ANKRD10: variants seen among roughly 807,000 people sequenced by gnomAD.
The protein encoded by ANKRD10 is ankyrin repeat domain 10, also known as ankyrin repeat domain-containing protein 10.
In ANKRD10, 14 loss-of-function variants were observed where a neutral mutation model predicts 27.0. The ratio of observed to expected loss-of-function variants is 0.52; its 90% CI spans 0.34 to 0.81. ANKRD10 has a LOEUF of 0.81. Ranked by LOEUF, ANKRD10 falls within the 40% of genes least tolerant of loss-of-function variation. The pLI is 0.01. For synonymous variants in ANKRD10, 250 were observed against 224.5 expected, an observed-to-expected ratio of 1.11 and a Z score of -1.01; for missense variants, 493 against 544.0, an observed-to-expected ratio of 0.91 and a Z score of 0.93.
At position 110,880,373 on chromosome 13, in the gene ANKRD10, C is replaced by T. The variant is rs190560009; in HGVS notation, c.788-261G>A. Among the ~76,000 whole-genome samples, 172 of 152,182 alleles carry T rather than the reference C, an allele frequency of 1.1e-3. 1 individual carries two copies. Among genetic ancestry groups the T allele is most frequent in the Non-Finnish European group, 1.6e-3 (112 of 68,006 alleles). On this transcript the variant is annotated intron_variant, in intron 5 of 5. Transcript: ENST00000267339. Reference sequence around the variant, plus strand: ...AGCTCAACTGAAAAATGTAAGCTGACAAATACACTGCATGAAAAATACCAA... The same window carrying T: ...AGCTCAACTGAAAAATGTAAGCTGATAAATACACTGCATGAAAAATACCAA...
At chr13:110,883,365 C>A in intron 5 of ANKRD10, 1 of 339,726 alleles carries the variant, frequency 2.9e-6, no homozygotes, top group Non-Finnish European at 4.4e-6. Flanking sequence ...GCACATTAAG[C>A]AATAGCTTCA....
intron 3 of ANKRD10, chr13:110,900,687 T>C (rs1425803958): frequency 1.5e-6 from 2 of 1,351,224 alleles, no homozygotes; most frequent in Non-Finnish European, 2.0e-6. Context: ...TCAATTCGAA[T>C]TACGTAGCTG....
intron 1 of ANKRD10, 154 bp downstream of exon 1, chr13:110,914,571 C>G (rs2065830373): frequency 1.8e-6 from 2 of 1,090,190 alleles, no homozygotes; most frequent in Non-Finnish European, 2.4e-6. Flanking sequence ...CGCTGCCGCA[C>G]AGGCGCCCTA....
At chr13:110,886,125 A>G (rs1237943523) in intron 4 of ANKRD10, among the ~76,000 whole-genome samples, 10 of 152,256 alleles carry the variant, frequency 6.6e-5, no homozygotes, top group Admixed American at 6.5e-4. Context: ...TGCGAGGTGC[A>G]GGGACATGCA....
At chr13:110,898,577 CTGTT>C (rs1405136142) in intron 3 of ANKRD10, among the ~76,000 whole-genome samples, 12 of 151,906 alleles carry the variant, frequency 7.9e-5, no homozygotes, top group South Asian at 2.1e-4. Flanking sequence ...GTTTTTTTGT[CTGTT>C]TGTTTTAAAC....
chr13:110,900,730 C>G, intron 3 of ANKRD10: 1 of 1,305,062 alleles, frequency 7.7e-7, no homozygotes, highest in Non-Finnish European at 1.0e-6. Flanking sequence ...TTTACAGATT[C>G]AGAATCTTCT....
At chr13:110,887,792 C>A (rs2064971639) in intron 4 of ANKRD10, among the ~76,000 whole-genome samples, 1 of 152,172 alleles carries the variant, frequency 6.6e-6, no homozygotes, top group Non-Finnish European at 1.5e-5. Context: ...CAGGTGTTGA[C>A]CCATAACCCT....
At chr13:110,894,652 T>G (rs755822154) in intron 3 of ANKRD10, 1 of 152,278 alleles carries the variant, frequency 6.6e-6, no homozygotes, top group Non-Finnish European at 1.5e-5. Flanking sequence ...TGATCAGAGA[T>G]AAAAGAGAAT....
chr13:110,888,687 G>C (rs189649225), intron 4 of ANKRD10, among the ~76,000 whole-genome samples: 1 of 152,250 alleles, frequency 6.6e-6, no homozygotes, highest in Admixed American at 6.5e-5. Flanking sequence ...GAACAGCTAA[G>C]GACAAAAGGC....
rs762011398 is a variant in ANKRD10, at chr13:110,893,147, T to C, written c.572A>G (p.Asn191Ser). 5 of 1,614,078 alleles carry C rather than the reference T, an allele frequency of 3.1e-6. No homozygotes were observed. The East Asian group carries it at 6.7e-5, about 22-fold the overall frequency. The change falls in exon 4 of 6, where the codon AAT becomes AGT. Residue 191 changes from asparagine to serine, a missense_variant. Coordinates refer to ENST00000267339, the MANE Select transcript of ANKRD10 (RefSeq NM_017664.4). ...CTGATGACCCCCATTTAAGATGCCATTGTTATAGAAATGGTTCAGATGACA... is the reference window on the plus strand; with the variant it reads ...CTGATGACCCCCATTTAAGATGCCACTGTTATAGAAATGGTTCAGATGACA... ...QNCHLNHFYN[N>S]GILNGGHQNV...
intron 4 of ANKRD10, among the ~76,000 whole-genome samples, chr13:110,884,216 CA>C (rs11296528): frequency 0.35 from 52,530 of 151,528 alleles, 9,614 homozygotes; most frequent in South Asian, 0.43. Flanking sequence ...TTTCCATTAA[CA>C]AAAAAAATAA....
intron 5 of ANKRD10, among the ~76,000 whole-genome samples, chr13:110,882,127 C>T (rs1262596233): frequency 1.3e-5 from 2 of 152,306 alleles, no homozygotes; most frequent in African/African-American, 4.8e-5. Context: ...CCTATCCGAG[C>T]CCTTTCCAGG....
rs145613367 is a variant in ANKRD10 at position 110,879,766 on chromosome 13, G to A, written c.1134C>T (p.His378=). The A allele has an allele frequency of 7.4e-6, 12 of 1,614,080 alleles. No individual in the cohort carries two copies. The highest frequency in any genetic ancestry group is 1.3e-5 in the African/African-American group (1 of 74,924). The change falls in exon 6 of 6, where the codon CAC becomes CAT. Residue 378 remains histidine, a synonymous_variant. Transcript: ENST00000267339. ...TGCTTTCAGCAGTGTCCCCAAACCC[G>A]TGGTAGTGTCCATAGTACAGGTTAT... ...IGDNLYYGHY[H]GFGDTAESIP... is the part of the protein sequence containing the mutation.
intron 3 of ANKRD10, chr13:110,894,374 T>C (rs376714350): frequency 1.2e-4 from 22 of 187,544 alleles, no homozygotes; most frequent in African/African-American, 6.5e-4. Flanking sequence ...TCCAGAACCC[T>C]GATGCCTTTC....
At chr13:110,905,609 TC>T (rs539101016) in intron 3 of ANKRD10, among the ~76,000 whole-genome samples, 38 of 152,352 alleles carry the variant, frequency 2.5e-4, no homozygotes, top group Admixed American at 2.2e-3. Context: ...TGAATTTTCT[TC>T]AGAAACCTTC....
intron 1 of ANKRD10, among the ~76,000 whole-genome samples, chr13:110,911,287 TAAAAATACAA>T (rs1418711057): frequency 6.7e-6 from 1 of 148,430 alleles, no homozygotes; most frequent in Non-Finnish European, 1.5e-5. Context: ...CCATCTCTAC[TAAAAATACAA>T]AAAAATTAGC....
intron 3 of ANKRD10, among the ~76,000 whole-genome samples, chr13:110,896,783 T>C (rs891695042): frequency 1.3e-5 from 2 of 152,234 alleles, no homozygotes; most frequent in African/African-American, 4.8e-5. Context: ...TTTCATCTAA[T>C]TTTATGTATT....
intron 3 of ANKRD10, chr13:110,895,399 A>G (rs931393514): frequency 2.0e-5 from 3 of 152,236 alleles, no homozygotes; most frequent in Non-Finnish European, 4.4e-5. Context: ...CTTGGCTTAC[A>G]TGATGAAACC....
chr13:110,885,980 C>T (rs1420960753), intron 4 of ANKRD10, among the ~76,000 whole-genome samples: 1 of 152,228 alleles, frequency 6.6e-6, no homozygotes, highest in Non-Finnish European at 1.5e-5. Context: ...TAGAATAGTA[C>T]TCACATCAGC....
Sources: gnomAD v4.1 joint callset for allele counts (sites outside exome capture counted in the v4.1 genomes callset) on GRCh38, gnomAD v4.1.1 for gene constraint, MANE v1.5 for transcripts, NCBI Gene and HGNC (gene_info 2026-07-23, HGNC 2026-07-21) for gene names.